Variants in MGAT4C observed in about 807,000 individuals in gnomAD.
MGAT4C encodes the protein alpha-1,3-mannosyl-glycoprotein 4-beta-N-acetylglucosaminyltransferase C.
A neutral mutation model predicts 40.1 loss-of-function variants in MGAT4C; 19 were observed. That is an observed-to-expected ratio of 0.47 (90% CI 0.33 to 0.70). The LOEUF (loss-of-function observed/expected upper bound fraction) is 0.70. Ranked by LOEUF, MGAT4C falls within the 30% of genes least tolerant of loss-of-function variation. The pLI, the probability that MGAT4C is intolerant of heterozygous loss-of-function variation, is 0.02. For synonymous variants in MGAT4C, 181 were observed against 187.1 expected (o/e 0.97, Z 0.27); for missense variants, 491 against 563.2 (o/e 0.87, Z 1.30).
At position 86,726,850 on chromosome 12, in the gene MGAT4C, G is replaced by C. The variant is rs2559813; in HGVS notation, c.-229+359C>G. On this transcript the variant is annotated intron_variant, in intron 2 of 7. Transcript: ENST00000548651. ...TTGTCCACAAAGGTGTAAATTTTTA[G>C]ATATTATAGCAAAAATATTTCTTCT... is the stretch of plus-strand genomic sequence containing the variant. Among the ~76,000 whole-genome samples the C allele has an allele frequency of 3.8e-3, 577 of 152,170 alleles. 1 individual carries two copies. Among genetic ancestry groups the C allele is most frequent in the Non-Finnish European group, 6.5e-3 (439 of 67,956 alleles).
chr12:86,542,616 C>A (rs138705730), intron 2 of MGAT4C, among the ~76,000 whole-genome samples: 1 of 152,116 alleles, frequency 6.6e-6, no homozygotes, highest in African/African-American at 2.4e-5. Flanking sequence ...CATGCCTTTT[C>A]TTTTTTTGCC....
chr12:86,181,876 C>T (rs1888163820), intron 1 of MGAT4C, among the ~76,000 whole-genome samples: 1 of 151,824 alleles, frequency 6.6e-6, no homozygotes, highest in Non-Finnish European at 1.5e-5. Context: ...TTTTTAAACC[C>T]TTCTGAACTT....
intron 2 of MGAT4C, among the ~76,000 whole-genome samples, chr12:86,604,503 G>A (rs1050480041): frequency 1.3e-5 from 2 of 151,942 alleles, no homozygotes; most frequent in Non-Finnish European, 2.9e-5. Context: ...GCTGTTTTCA[G>A]GCATGCACAC....
intron 4 of MGAT4C, among the ~76,000 whole-genome samples, chr12:86,325,133 T>C (rs956025126): frequency 8.5e-5 from 13 of 152,158 alleles, no homozygotes; most frequent in Admixed American, 4.6e-4. Context: ...ATTCTATATA[T>C]GTTATTTGCA....
upstream of MGAT4C, among the ~76,000 whole-genome samples, chr12:86,259,471 T>C (rs142308166): frequency 2.5e-4 from 38 of 152,094 alleles, no homozygotes; most frequent in Non-Finnish European, 4.3e-4. Context: ...GTTAAAACTT[T>C]AAGAAACTAC....
chr12:86,264,507 A>T (rs1406555351), intron 4 of MGAT4C, among the ~76,000 whole-genome samples: 1 of 152,120 alleles, frequency 6.6e-6, no homozygotes, highest in Non-Finnish European at 1.5e-5. Flanking sequence ...CACAGAGCCA[A>T]GGGAAGCAAG....
chr12:86,061,576 C>T (rs960342408), intron 1 of MGAT4C, among the ~76,000 whole-genome samples: 1 of 152,078 alleles, frequency 6.6e-6, no homozygotes, highest in African/African-American at 2.4e-5. Context: ...AGTGGACTGG[C>T]TTAGCAGGTC....
intron 1 of MGAT4C, among the ~76,000 whole-genome samples, chr12:86,761,776 T>C (rs938101080): frequency 1.2e-4 from 18 of 152,202 alleles, no homozygotes; most frequent in Non-Finnish European, 2.6e-4. Flanking sequence ...CATCTTCATA[T>C]TGATGGCTAT....
At chr12:86,395,920 T>C (rs1956252283) in intron 3 of MGAT4C, among the ~76,000 whole-genome samples, 1 of 152,168 alleles carries the variant, frequency 6.6e-6, no homozygotes, top group African/African-American at 2.4e-5. Context: ...TATGTGGAAA[T>C]ATAACCATAA....
intron 4 of MGAT4C, among the ~76,000 whole-genome samples, chr12:86,327,606 A>G (rs961192356): frequency 3.3e-5 from 5 of 152,140 alleles, no homozygotes; most frequent in African/African-American, 1.2e-4. Context: ...AAAATTGAAG[A>G]AAATTGAGGT....
At chr12:86,179,792 A>G (rs2135861698) in intron 1 of MGAT4C, among the ~76,000 whole-genome samples, 1 of 152,306 alleles carries the variant, frequency 6.6e-6, no homozygotes, top group Middle Eastern at 3.4e-3. Flanking sequence ...AAAGCATTCC[A>G]TTTTAAAAGG....
Position 86,026,330 on chromosome 12 carries a change from G to GCA in MGAT4C, c.-7+23342_-7+23343dup, listed in dbSNP as rs552035323. On this transcript the variant is annotated intron_variant, in intron 2 of 4. Transcript: ENST00000611864. ...CTTTTCTCTGCATGTGCATGCACAT[G>GCA]CACACACACACAGACACACACACAA... 1.7e-4 allele frequency among the ~76,000 whole-genome samples: 26 copies of GCA among 150,982 alleles called. No homozygotes were observed. The East Asian group carries it at 2.1e-3, about 12-fold the overall frequency.
intron 2 of MGAT4C, chr12:86,011,838 G>T: frequency 1.0e-6 from 1 of 985,166 alleles, no homozygotes; most frequent in Non-Finnish European, 1.2e-6. Flanking sequence ...TAAAACTTTG[G>T]TCTCAAATTT....
intron 3 of MGAT4C, among the ~76,000 whole-genome samples, chr12:86,391,963 A>C (rs1956168293): frequency 6.6e-6 from 1 of 152,188 alleles, no homozygotes; most frequent in South Asian, 2.1e-4. Flanking sequence ...AATAATAATG[A>C]GTCATTTATT....
intron 2 of MGAT4C, among the ~76,000 whole-genome samples, chr12:86,517,865 G>A (rs1958723636): frequency 6.6e-6 from 1 of 152,056 alleles, no homozygotes; most frequent in Non-Finnish European, 1.5e-5. Flanking sequence ...TAGCCAGATG[G>A]TCTCGATCTC....
intron 2 of MGAT4C, among the ~76,000 whole-genome samples, chr12:86,557,171 T>C (rs560427261): frequency 8.5e-5 from 13 of 152,346 alleles, no homozygotes; most frequent in Admixed American, 3.3e-4. Context: ...AATTATTTCA[T>C]GTTAAAAATT....
At chr12:86,310,449 G>T (rs985771191) in intron 4 of MGAT4C, among the ~76,000 whole-genome samples, 12 of 152,106 alleles carry the variant, frequency 7.9e-5, no homozygotes, top group Non-Finnish European at 5.9e-5. Context: ...GCTTTGTCCA[G>T]TATTGATAGT....
intron 1 of MGAT4C, among the ~76,000 whole-genome samples, chr12:86,834,238 A>C (rs1474452551): frequency 6.6e-6 from 1 of 151,810 alleles, no homozygotes; most frequent in Admixed American, 6.6e-5. Context: ...AGATAGGTAG[A>C]TAGATAATTT....
At chr12:86,657,651 A>C (rs1456134145) in intron 2 of MGAT4C, among the ~76,000 whole-genome samples, 1 of 151,942 alleles carries the variant, frequency 6.6e-6, no homozygotes, top group Non-Finnish European at 1.5e-5. Flanking sequence ...GAATGAAAAC[A>C]ATTATAACTA....
Sources: allele counts gnomAD v4.1 joint callset (sites outside exome capture counted in the v4.1 genomes callset), GRCh38; gene constraint gnomAD v4.1.1; transcripts MANE v1.5; gene names NCBI Gene and HGNC (gene_info 2026-07-23, HGNC 2026-07-21).